The following RALYL variants were observed in gnomAD, a reference collection of about 807,000 sequenced individuals.
RALYL encodes RALY RNA binding protein like, also known as RNA-binding Raly-like protein.
A neutral mutation model predicts 35.1 loss-of-function variants in RALYL; 29 were observed. The observed-to-expected ratio is 0.83, with a 90% CI of 0.61 to 1.13. RALYL has a LOEUF of 1.13. RALYL is among the 50% of genes most tolerant of loss of function. The pLI is 0.00. For synonymous variants in RALYL, 120 were observed against 127.6 expected, an observed-to-expected ratio of 0.94 and a Z score of 0.40; for missense variants, 359 against 360.4, an observed-to-expected ratio of 1.00 and a Z score of 0.03.
intron 1 of RALYL, among the ~76,000 whole-genome samples, chr8:84,298,401 A>G (rs920806660): frequency 6.6e-6 from 1 of 150,960 alleles, no homozygotes; most frequent in East Asian, 1.9e-4. Context: ...TTGTGTTTGT[A>G]TTTGTGCCAT....
At chr8:84,263,694 T>A (rs1832730919) in intron 1 of RALYL, among the ~76,000 whole-genome samples, 1 of 152,154 alleles carries the variant, frequency 6.6e-6, no homozygotes, top group Admixed American at 6.5e-5. Context: ...GCTGCACCTA[T>A]GAACCCATCA....
intron 2 of RALYL, among the ~76,000 whole-genome samples, chr8:84,542,935 C>G (rs569581398): frequency 5.3e-5 from 8 of 152,070 alleles, no homozygotes; most frequent in Non-Finnish European, 1.2e-4. Flanking sequence ...AGTTTAAAAG[C>G]TCTCCTAATA....
chr8:84,731,989 T>A (rs1846264168), intron 2 of RALYL, among the ~76,000 whole-genome samples: 1 of 152,110 alleles, frequency 6.6e-6, no homozygotes, highest in Non-Finnish European at 1.5e-5. Flanking sequence ...CCCCCTTTAT[T>A]TGTTTAATAA....
At chr8:84,586,979 A>T (rs1476048841) in intron 2 of RALYL, among the ~76,000 whole-genome samples, 1 of 152,166 alleles carries the variant, frequency 6.6e-6, no homozygotes, top group Non-Finnish European at 1.5e-5. Context: ...TAAAATATTG[A>T]CTGCTACTGA....
intron 1 of RALYL, among the ~76,000 whole-genome samples, chr8:84,526,340 G>A (rs2058896831): frequency 6.6e-6 from 1 of 152,032 alleles, no homozygotes; most frequent in South Asian, 2.1e-4. Context: ...CTTAAGCCTT[G>A]TTTTCAACTT....
chr8:84,685,355 G>A (rs1836545452), intron 2 of RALYL, among the ~76,000 whole-genome samples: 1 of 151,960 alleles, frequency 6.6e-6, no homozygotes, highest in Non-Finnish European at 1.5e-5. Flanking sequence ...CACCAGGTGA[G>A]GCTACTGCAC....
intron 1 of RALYL, among the ~76,000 whole-genome samples, chr8:84,234,874 C>T (rs1371790879): frequency 2.6e-5 from 4 of 151,744 alleles, no homozygotes; most frequent in Non-Finnish European, 5.9e-5. Flanking sequence ...AAGTGATTCT[C>T]CTGCCTCAGC....
chr8:84,920,874 ATTTTT>A lies in RALYL; in HGVS notation c.859-15_859-11del, dbSNP rs745688688. 2 of 1,253,480 alleles carry A rather than the reference ATTTTT, an allele frequency of 1.6e-6. No homozygotes were observed. The highest frequency in any genetic ancestry group is 2.2e-6 in the Non-Finnish European group (2 of 919,490). The allele number at this position is 1,253,480 out of a possible 1,614,324, so 77.6% of individuals were successfully genotyped here. A position where few individuals can be genotyped will look rare whatever the true frequency, so the allele number is the denominator to read the frequency against. On this transcript the variant is annotated splice_polypyrimidine_tract_variant and intron_variant, in intron 8 of 8. Transcript: ENST00000521268. The stretch of plus-strand genomic sequence containing the variant: ...AAAACACAAATCTCTGTATTTTAAA[ATTTTT>A]TTTTATTTTCTCAGTTTCTACAGAT...
chr8:84,401,530 C>T (rs112106031), intron 1 of RALYL, among the ~76,000 whole-genome samples: 2 of 146,316 alleles, frequency 1.4e-5, no homozygotes, highest in African/African-American at 2.5e-5. Context: ...CCCAGCTACT[C>T]GGGAGGCTGA....
chr8:84,771,597 T>C (rs1385104272), intron 2 of RALYL, among the ~76,000 whole-genome samples: 1 of 152,136 alleles, frequency 6.6e-6, no homozygotes, highest in Non-Finnish European at 1.5e-5. Context: ...GGGTTTTATT[T>C]GTATCTCATG....
intron 2 of RALYL, among the ~76,000 whole-genome samples, chr8:84,653,276 A>T (rs566507351): frequency 6.6e-6 from 1 of 152,224 alleles, no homozygotes; most frequent in East Asian, 1.9e-4. Flanking sequence ...TAGTCAAAAG[A>T]GTTCTAAGAA....
At chr8:84,679,488 T>C (rs564909007) in intron 2 of RALYL, 33 of 334,822 alleles carry the variant, frequency 9.9e-5, no homozygotes, top group Admixed American at 8.4e-4. Flanking sequence ...TGATGCTTGC[T>C]TCATTGAGTT....
intron 8 of RALYL, among the ~76,000 whole-genome samples, chr8:84,918,108 T>C (rs1366587429): frequency 2.2e-4 from 34 of 152,012 alleles, no homozygotes; most frequent in Admixed American, 2.2e-3. Flanking sequence ...TTTGCATTTA[T>C]ATATGCTCCC....
chr8:84,891,589 G>A (rs764878689), intron 8 of RALYL, among the ~76,000 whole-genome samples: 2 of 152,042 alleles, frequency 1.3e-5, no homozygotes, highest in Non-Finnish European at 2.9e-5. Context: ...CTCAACCCTG[G>A]TATTATCATT....
chr8:84,875,521 A>T (rs947450101), intron 7 of RALYL, among the ~76,000 whole-genome samples: 4 of 142,850 alleles, frequency 2.8e-5, no homozygotes, highest in African/African-American at 8.4e-5. Flanking sequence ...TACAGTCATG[A>T]GACAGTTGCT....
intron 4 of RALYL, among the ~76,000 whole-genome samples, chr8:84,820,756 G>T (rs552854614): frequency 6.6e-6 from 1 of 151,926 alleles, no homozygotes; most frequent in African/African-American, 2.4e-5. Context: ...CCCTGTGTCC[G>T]TGTGTTCTCA....
chr8:84,786,934 T>C (rs1470446062), intron 3 of RALYL, among the ~76,000 whole-genome samples: 1 of 152,192 alleles, frequency 6.6e-6, no homozygotes, highest in Admixed American at 6.5e-5. Flanking sequence ...ATAAAATATA[T>C]GCAGAGAAAA....
intron 3 of RALYL, among the ~76,000 whole-genome samples, chr8:84,784,202 A>T (rs1412608722): frequency 6.6e-6 from 1 of 152,212 alleles, no homozygotes; most frequent in Non-Finnish European, 1.5e-5. Context: ...GTCTTCACAC[A>T]TGCAGAGATG....
chr8:84,746,298 A>T (rs1293712959), intron 2 of RALYL, among the ~76,000 whole-genome samples: 3 of 152,042 alleles, frequency 2.0e-5, no homozygotes, highest in Non-Finnish European at 4.4e-5. Context: ...TGGCATAGGT[A>T]CTACATTTTA....
Sources: allele counts gnomAD v4.1 joint callset (sites outside exome capture counted in the v4.1 genomes callset), GRCh38; gene constraint gnomAD v4.1.1; transcripts MANE v1.5; gene names NCBI Gene and HGNC (gene_info 2026-07-23, HGNC 2026-07-21).